The following SSH1 variants were observed in gnomAD, a reference collection of about 807,000 sequenced individuals.
SSH1 encodes protein phosphatase Slingshot homolog 1.
A neutral mutation model predicts 79.7 loss-of-function variants in SSH1; 43 were observed. The observed-to-expected ratio is 0.54, with a 90% confidence interval of 0.42 to 0.70. The LOEUF (loss-of-function observed/expected upper bound fraction) is 0.70. Ranked by LOEUF, SSH1 falls within the 30% of genes least tolerant of loss-of-function variation. The probability of loss-of-function intolerance (pLI) is 0.00; values close to 1 mark genes in which losing one functional copy is unlikely to be tolerated. For missense variants in SSH1, 1,206 were observed against 1,358.8 expected (o/e 0.89, Z 1.77); for synonymous variants, 599 against 538.3 (o/e 1.11, Z -1.56).
intron 3 of SSH1, among the ~76,000 whole-genome samples, chr12:108,821,197 T>C (rs140472318): frequency 1.2e-3 from 173 of 146,242 alleles, no homozygotes; most frequent in African/African-American, 4.3e-3. Flanking sequence ...CTGAGCAACA[T>C]AGTGAGTGAG....
chr12:108,844,133 C>A (rs73410929), intron 2 of SSH1, among the ~76,000 whole-genome samples: 1,566 of 152,132 alleles, frequency 0.01, 34 homozygotes, highest in African/African-American at 0.036. Flanking sequence ...ATTCTGACAA[C>A]CACCCTACAA....
chr12:108,794,114 A>G (rs1033831962), intron 13 of SSH1, among the ~76,000 whole-genome samples: 1 of 152,204 alleles, frequency 6.6e-6, no homozygotes, highest in Non-Finnish European at 1.5e-5. Flanking sequence ...TAACTCTGCT[A>G]GGGCACTCCT....
At chr12:108,848,085 C>T (rs2038939728) in intron 2 of SSH1, among the ~76,000 whole-genome samples, 1 of 152,064 alleles carries the variant, frequency 6.6e-6, no homozygotes, top group Admixed American at 6.5e-5. Flanking sequence ...GGAAAGGCCA[C>T]CAACGCCGGT....
chr12:108,814,250 T>C (rs764569493), intron 5 of SSH1, among the ~76,000 whole-genome samples: 1 of 151,610 alleles, frequency 6.6e-6, no homozygotes, highest in Non-Finnish European at 1.5e-5. Flanking sequence ...ACTTTGAGAG[T>C]GCGCAAGCCT....
At chr12:108,854,271 C>G (rs2039101505) in intron 1 of SSH1, among the ~76,000 whole-genome samples, 1 of 152,154 alleles carries the variant, frequency 6.6e-6, no homozygotes. Context: ...GTTCTGGTCC[C>G]AAGTATCAAC....
chr12:108,853,142 A>G (rs1467192699), intron 1 of SSH1: 1 of 985,320 alleles, frequency 1.0e-6, no homozygotes, highest in African/African-American at 1.7e-5. Flanking sequence ...AGACTTGCAC[A>G]GTGGAAGGTG....
In SSH1 at chr12:108,792,675, C is replaced by G; in HGVS notation, c.1504G>C (p.Gly502Arg). The change falls in exon 14 of 15, where the codon GGC (glycine) becomes CGC (arginine). Residue 502 changes from glycine to arginine, a missense_variant. By Grantham distance (125) the Gly-to-Arg change is moderately radical (BLOSUM62 -2). Around this residue, in one of 5 missense-constraint regions of SSH1, gnomAD observed 709 missense variants for 730.6 expected, o/e 0.97. Transcript: ENST00000326495. Reference sequence around the variant, plus strand: ...CAGCAGGGGAGGGGGGGCCCTAAGCCGGGCTGGGCGGCATCATCCAAGAAG... The same window carrying G: ...CAGCAGGGGAGGGGGGGCCCTAAGCGGGGCTGGGCGGCATCATCCAAGAAG... The part of the protein sequence containing the change: ...LPFLDDAAQP[G>R]LGPPLPCCFR... 6.2e-7 allele frequency: 1 copy of G among 1,612,290 alleles called. No homozygotes were observed.
chr12:108,810,716 G>A (rs768354414), intron 6 of SSH1, among the ~76,000 whole-genome samples: 7 of 152,178 alleles, frequency 4.6e-5, no homozygotes, highest in Non-Finnish European at 1.0e-4. Flanking sequence ...TCCTCACCGT[G>A]CCCACACACC....
rs771113196 is a variant in SSH1, at chr12:108,789,203, G to A, written c.1935C>T (p.Ser645=). 32 of 1,606,208 alleles carry A rather than the reference G, an allele frequency of 2.0e-5. No homozygotes were observed. In the Admixed American group the frequency reaches 3.1e-4, roughly 16 times the overall value. The change falls in exon 15 of 15, where the codon TCC becomes TCT. Residue 645 remains serine (S), a synonymous_variant. Coordinates refer to ENST00000326495, the MANE Select transcript of SSH1 (RefSeq NM_018984.4). The part of the protein sequence containing the change: ...IFGILNKVKP[S]YKSCADCMYP... ...ACATGCAGTCGGCACAGGATTTATA[G>A]GAAGGCTTCACTTTGTTAAGGATCC... is the stretch of plus-strand genomic sequence containing the variant.
At chr12:108,855,803 G>C (rs1348907558) in intron 1 of SSH1, among the ~76,000 whole-genome samples, 4 of 152,182 alleles carry the variant, frequency 2.6e-5, no homozygotes, top group Non-Finnish European at 5.9e-5. Flanking sequence ...TCTAATCAGC[G>C]TGTAGAGGGG....
Position 108,807,959 on chromosome 12 carries a change from A to C in SSH1, c.537-132T>G. On this transcript the variant is annotated intron_variant, in intron 7 of 14. Transcript: ENST00000326495. This position sits in a 1 kb window ranked among gnomAD's most constrained non-coding sequence, Gnocchi z 5.2. ...TTGGTTGATTATTTCTTTTTGGGAC[A>C]GAGTCTCGCTCTGTCACTCCCAGGC... 1 of 837,210 alleles carries C rather than the reference A, an allele frequency of 1.2e-6. No homozygotes were observed. The highest frequency in any genetic ancestry group is 1.9e-6 in the Non-Finnish European group (1 of 518,820). The allele number at this position is 837,210 out of a possible 1,614,324, so 51.9% of individuals were successfully genotyped here. A position where few individuals can be genotyped will look rare whatever the true frequency, so the allele number is the denominator to read the frequency against.
intron 7 of SSH1, among the ~76,000 whole-genome samples, chr12:108,808,083 G>A (rs1001172373): frequency 2.0e-5 from 3 of 152,080 alleles, no homozygotes; most frequent in East Asian, 3.9e-4. Flanking sequence ...GACCACAGGC[G>A]CCCACCACCA....
In SSH1 at chr12:108,780,502, A is replaced by C. The variant is rs1456592326; in HGVS notation, c.*7486T>G. The C allele has an allele frequency of 6.6e-6, 1 of 152,110 alleles. No homozygotes were observed. Among genetic ancestry groups the C allele is most frequent in the Non-Finnish European group, 1.5e-5 (1 of 68,020 alleles). 9.4% of individuals were successfully genotyped at this position (152,110 alleles called of 1,614,324 possible). A position where few individuals can be genotyped will look rare whatever the true frequency, so the allele number is the denominator to read the frequency against. On this transcript the variant is annotated 3_prime_UTR_variant, in exon 15 of 15. Coordinates refer to ENST00000326495, the MANE Select transcript of SSH1 (RefSeq NM_018984.4). ...AATGTAATTAGCAAAGCGTGAGCCT[A>C]CTCAGTTGCATCATATTCTTATTTT...
intron 7 of SSH1, among the ~76,000 whole-genome samples, chr12:108,808,691 T>C (rs2037411209): frequency 6.6e-6 from 1 of 152,152 alleles, no homozygotes; most frequent in Non-Finnish European, 1.5e-5. Flanking sequence ...ATAGCTTAGA[T>C]GCTTAGATTT....
In SSH1 at chr12:108,788,402, T is replaced by C. The variant is rs781204648; in HGVS notation, c.2736A>G (p.Ser912=). 9.3e-6 allele frequency: 15 copies of C among 1,610,240 alleles called. No individual in the cohort carries two copies. The highest frequency in any genetic ancestry group is 6.7e-5 in the East Asian group (3 of 44,874). Residue 912 remains serine, a synonymous_variant, in exon 15 of 15, where the codon TCA becomes TCG. Transcript: ENST00000326495. ...FYRLDHTSSF[S]KDFLKTICYT... ...AGCAGATGGTCTTCAGAAAGTCTTT[T>C]GAGAAACTACTGGTGTGGTCCAGGC...
At chr12:108,805,290 T>C in intron 9 of SSH1, 106 bp from the exon 10 acceptor site, 1 of 1,322,290 alleles carries the variant, frequency 7.6e-7, no homozygotes, top group Non-Finnish European at 1.1e-6. Context: ...CCAAAAAAGG[T>C]GGGTGTTTTT....
intron 2 of SSH1, chr12:108,826,102 AC>A (rs1490448940): frequency 4.4e-6 from 2 of 452,716 alleles, no homozygotes; most frequent in African/African-American, 4.0e-5. Flanking sequence ...ATTCATACTG[AC>A]CAGAAACCCA....
rs774071744 is a variant in SSH1 at position 108,789,001 on chromosome 12, G to A, written c.2137C>T (p.Pro713Ser). The stretch of plus-strand genomic sequence containing the variant: ...CTGGAGCCTGCTGGTGGTAGGAACG[G>A]GGGAGGTTCGGTTGGGCCAGAGGCT... ...KPASGPTEPP[P>S]FLPPAGSRRA... The change falls in exon 15 of 15, where the codon CCG (proline) becomes TCG (serine). Residue 713 changes from proline to serine, a missense_variant. By Grantham distance (74) the Pro-to-Ser change is moderately conservative (BLOSUM62 -1). Coordinates refer to ENST00000326495, the MANE Select transcript of SSH1 (RefSeq NM_018984.4). 1.2e-6 allele frequency: 2 copies of A among 1,609,916 alleles called. No individual in the cohort carries two copies. Among genetic ancestry groups the A allele is most frequent in the Non-Finnish European group, 8.5e-7 (1 of 1,177,310 alleles).
chr12:108,855,796 A>C (rs1357111822), intron 1 of SSH1, among the ~76,000 whole-genome samples: 1 of 152,186 alleles, frequency 6.6e-6, no homozygotes, highest in Admixed American at 6.5e-5. Context: ...TTTTGCCTCT[A>C]ATCAGCGTGT....
Sources: gnomAD v4.1 joint callset for allele counts (sites outside exome capture counted in the v4.1 genomes callset) on GRCh38, gnomAD v4.1.1 for gene constraint, gnomAD v4.1.1 regional missense constraint, Gnocchi (gnomAD v3.1) non-coding constraint, MANE v1.5 for transcripts, NCBI Gene and HGNC (gene_info 2026-07-23, HGNC 2026-07-21) for gene names.